DPYD: variants seen among roughly 807,000 people sequenced by gnomAD.
DPYD encodes the protein dihydropyrimidine dehydrogenase.
DPYD carries 109 observed loss-of-function variants against 116.2 expected under a neutral mutation model. The ratio of observed to expected loss-of-function variants is 0.94; its 90% CI spans 0.80 to 1.10. The LOEUF is 1.10. DPYD is among the 50% of genes least tolerant of loss of function. The pLI, the probability that DPYD is intolerant of heterozygous loss-of-function variation, is 0.00. For synonymous variants in DPYD, 440 were observed against 432.0 expected, an observed-to-expected ratio of 1.02 and a Z score of -0.23; for missense variants, 1,302 against 1,254.5, an observed-to-expected ratio of 1.04 and a Z score of -0.57.
chr1:97,394,800 G>C (rs1326384305), intron 14 of DPYD, among the ~76,000 whole-genome samples: 1 of 152,020 alleles, frequency 6.6e-6, no homozygotes, highest in Non-Finnish European at 1.5e-5. Flanking sequence ...CAGGTAGAGT[G>C]AGCAGCAAGA....
chr1:97,510,650 A>T (rs1647717894), intron 13 of DPYD, among the ~76,000 whole-genome samples: 1 of 152,084 alleles, frequency 6.6e-6, no homozygotes, highest in Non-Finnish European at 1.5e-5. Context: ...GGCTGCAATA[A>T]TCCTTCCCTA....
At chr1:97,384,471 C>G (rs572093152) in intron 14 of DPYD, among the ~76,000 whole-genome samples, 1 of 151,644 alleles carries the variant, frequency 6.6e-6, no homozygotes, top group South Asian at 2.1e-4. Context: ...GTATTTGGCA[C>G]GTATCAAAGA....
At chr1:97,870,664 T>C (rs1426375832) in intron 2 of DPYD, among the ~76,000 whole-genome samples, 1 of 151,842 alleles carries the variant, frequency 6.6e-6, no homozygotes, top group Non-Finnish European at 1.5e-5. Context: ...TAATGTAATA[T>C]TTCCTACATT....
chr1:97,768,879 G>T (rs1411930138), intron 3 of DPYD, among the ~76,000 whole-genome samples: 1 of 151,356 alleles, frequency 6.6e-6, no homozygotes, highest in African/African-American at 2.4e-5. Flanking sequence ...ATAAATATTT[G>T]TCATATTTTG....
chr1:97,481,973 G>A (rs1053136978), intron 13 of DPYD, among the ~76,000 whole-genome samples: 3 of 152,026 alleles, frequency 2.0e-5, no homozygotes, highest in African/African-American at 4.8e-5. Flanking sequence ...ATAAACCATC[G>A]TTGCATTGAA....
intron 21 of DPYD, among the ~76,000 whole-genome samples, chr1:97,092,180 C>T (rs1649941539): frequency 6.6e-6 from 1 of 152,146 alleles, no homozygotes; most frequent in Non-Finnish European, 1.5e-5. Flanking sequence ...GTTTATTTGT[C>T]ATTGTCTGTT....
intron 13 of DPYD, among the ~76,000 whole-genome samples, chr1:97,486,715 T>C (rs1285796291): frequency 1.3e-5 from 2 of 152,182 alleles, no homozygotes; most frequent in Non-Finnish European, 2.9e-5. Context: ...TCCAAAGGCA[T>C]TGGGATATTT....
intron 10 of DPYD, among the ~76,000 whole-genome samples, chr1:97,592,808 A>C (rs1654613703): frequency 6.6e-6 from 1 of 152,240 alleles, no homozygotes; most frequent in Non-Finnish European, 1.5e-5. Flanking sequence ...CAAGGTATAC[A>C]TCTTAGAATG....
chr1:97,856,455 A>G (rs1670851935), intron 2 of DPYD: 1 of 152,236 alleles, frequency 6.6e-6, no homozygotes, highest in Non-Finnish European at 1.5e-5. Context: ...GATTATTTTC[A>G]ATGAGCAAAA....
At chr1:97,395,505 C>A (rs956650400) in intron 14 of DPYD, among the ~76,000 whole-genome samples, 2 of 151,964 alleles carry the variant, frequency 1.3e-5, no homozygotes, top group Admixed American at 1.3e-4. Context: ...TCTTTTGATT[C>A]CAAGTTCCTC....
chr1:97,633,225 G>A (rs542065305), intron 8 of DPYD, among the ~76,000 whole-genome samples: 1 of 152,078 alleles, frequency 6.6e-6, no homozygotes, highest in Non-Finnish European at 1.5e-5. Flanking sequence ...GAAAGAAAAA[G>A]ACTTAGGGTC....
intron 15 of DPYD, among the ~76,000 whole-genome samples, chr1:97,376,011 G>A (rs899543702): frequency 1.3e-5 from 2 of 152,050 alleles, no homozygotes; most frequent in Non-Finnish European, 2.9e-5. Flanking sequence ...TACATTAATT[G>A]AGCATTTACA....
intron 3 of DPYD, among the ~76,000 whole-genome samples, chr1:97,773,842 C>T (rs980221220): frequency 6.6e-6 from 1 of 152,186 alleles, no homozygotes; most frequent in African/African-American, 2.4e-5. Flanking sequence ...CAATAAAAAA[C>T]TTTGCACCCA....
chr1:97,080,057 T>C lies in DPYD; in HGVS notation c.2908-911A>G, dbSNP rs79272760. Among the ~76,000 whole-genome samples, 603 of 152,162 alleles carry C rather than the reference T, an allele frequency of 4.0e-3. 6 individuals carry two copies. The highest frequency in any genetic ancestry group is 0.014 in the African/African-American group (569 of 41,522). On this transcript the variant is annotated intron_variant, in intron 22 of 22. Transcript: ENST00000370192. ...TGACATGTAAGACCTCAGCGGAAGT[T>C]ACAGGATTTCTATCTAGGAGGGATT...
chr1:97,570,992 T>A (rs1024126896), intron 11 of DPYD, among the ~76,000 whole-genome samples: 3 of 152,080 alleles, frequency 2.0e-5, no homozygotes, highest in Admixed American at 6.6e-5. Context: ...AGAGTCATTT[T>A]TACACAAAAA....
At chr1:97,111,018 A>T (rs1193690888) in intron 20 of DPYD, among the ~76,000 whole-genome samples, 1 of 69,504 alleles carries the variant, frequency 1.4e-5, no homozygotes, top group Non-Finnish European at 3.6e-5. Flanking sequence ...AAAAAAATAA[A>T]CAAAACCCCC....
At chr1:97,576,397 C>A (rs1653264091) in intron 10 of DPYD, among the ~76,000 whole-genome samples, 1 of 152,160 alleles carries the variant, frequency 6.6e-6, no homozygotes, top group African/African-American at 2.4e-5. Context: ...ATATGTCTTA[C>A]AGATCGATTT....
chr1:97,809,286 A>G (rs1668234829), intron 3 of DPYD, among the ~76,000 whole-genome samples: 2 of 152,120 alleles, frequency 1.3e-5, no homozygotes, highest in African/African-American at 4.8e-5. Context: ...GCTAACTGCT[A>G]CCTCTCCAAC....
intron 18 of DPYD, among the ~76,000 whole-genome samples, chr1:97,269,338 T>C (rs1664429059): frequency 6.6e-6 from 1 of 152,170 alleles, no homozygotes; most frequent in Non-Finnish European, 1.5e-5. Flanking sequence ...TTCTGAGCCC[T>C]CACCAGAATT....
Sources: allele counts gnomAD v4.1 joint callset (sites outside exome capture counted in the v4.1 genomes callset), GRCh38; gene constraint gnomAD v4.1.1; transcripts MANE v1.5; gene names NCBI Gene and HGNC (gene_info 2026-07-23, HGNC 2026-07-21).